The following SMAP2 variants were observed in gnomAD, a reference collection of about 807,000 sequenced individuals.
SMAP2 encodes stromal membrane-associated protein 2.
In SMAP2, 25 loss-of-function variants were observed where a neutral mutation model predicts 56.4. The observed-to-expected ratio is 0.44, with a 90% CI of 0.32 to 0.62. The LOEUF (loss-of-function observed/expected upper bound fraction) is 0.62, where lower values mean the gene tolerates loss of function less well. Ranked by LOEUF, SMAP2 falls within the 20% of genes least tolerant of loss-of-function variation. The probability of loss-of-function intolerance (pLI) is 0.04; values close to 1 mark genes in which losing one functional copy is unlikely to be tolerated. For missense variants in SMAP2, 388 were observed against 545.6 expected (o/e 0.71, Z 2.88); for synonymous variants, 157 against 181.7 (o/e 0.86, Z 1.09).
intron 9 of SMAP2, among the ~76,000 whole-genome samples, chr1:40,419,015 G>A (rs370449336): frequency 2.0e-5 from 3 of 152,246 alleles, no homozygotes; most frequent in East Asian, 3.9e-4. Flanking sequence ...TAAAACAAAG[G>A]TGGTGACAAG....
At chr1:40,407,055 A>G (rs1337345646) in intron 2 of SMAP2, among the ~76,000 whole-genome samples, 186 bp downstream of exon 2, 1 of 152,218 alleles carries the variant, frequency 6.6e-6, no homozygotes, top group Non-Finnish European at 1.5e-5. Flanking sequence ...AAGTTATTCT[A>G]CCTATATTTT....
chr1:40,348,414 G>A (rs2124152869), intron 1 of SMAP2, among the ~76,000 whole-genome samples: 1 of 152,162 alleles, frequency 6.6e-6, no homozygotes, highest in Non-Finnish European at 1.5e-5. Context: ...ATAATTTTAG[G>A]CCAGGCACAG....
chr1:40,357,312 A>T (rs2124169700), intron 1 of SMAP2, among the ~76,000 whole-genome samples: 1 of 152,178 alleles, frequency 6.6e-6, no homozygotes, highest in South Asian at 2.1e-4. Context: ...AATATTAGCC[A>T]GGCATGGTGA....
chr1:40,402,025 T>G (rs1215921187), intron 1 of SMAP2, among the ~76,000 whole-genome samples: 1 of 152,028 alleles, frequency 6.6e-6, no homozygotes, highest in Admixed American at 6.5e-5. Context: ...ACCTTGTTCT[T>G]GTGTTGTGCC....
At chr1:40,384,674 T>C (rs1644636288) in intron 1 of SMAP2, among the ~76,000 whole-genome samples, 2 of 151,966 alleles carry the variant, frequency 1.3e-5, no homozygotes, top group Non-Finnish European at 1.5e-5. Flanking sequence ...ACTCTCGTTG[T>C]TTGAGTGAAG....
chr1:40,403,218 C>T (rs1644852748), intron 1 of SMAP2, among the ~76,000 whole-genome samples: 2 of 152,128 alleles, frequency 1.3e-5, no homozygotes, highest in African/African-American at 4.8e-5. Context: ...AAAAAAGAAG[C>T]ACTCTGGCTG....
chr1:40,374,065 G>T lies in SMAP2; in HGVS notation c.-56G>T. Reference sequence around the variant, plus strand: ...AGTCCTCAACCCCGGACTGAGGCAGGGGTCTCTGGGGGCGAGGAGGGCGCG... The same window carrying T: ...AGTCCTCAACCCCGGACTGAGGCAGTGGTCTCTGGGGGCGAGGAGGGCGCG... On this transcript the variant is annotated 5_prime_UTR_variant, in exon 1 of 10. Transcript: ENST00000372718. The surrounding 1 kb of genome is among the most constrained non-coding windows in gnomAD (Gnocchi z 5.9). The T allele has an allele frequency of 7.2e-7, 1 of 1,388,920 alleles. No homozygotes were observed. The highest frequency in any genetic ancestry group is 1.0e-6 in the Non-Finnish European group (1 of 990,890). 86.0% of individuals were successfully genotyped at this position (1,388,920 alleles called of 1,614,324 possible).
chr1:40,416,247 A>C lies in SMAP2; in HGVS notation c.753A>C (p.Pro251=), dbSNP rs773758958. The C allele has an allele frequency of 6.2e-7, 1 of 1,614,096 alleles. No homozygotes were observed. The highest frequency in any genetic ancestry group is 1.1e-5 in the South Asian group (1 of 91,080). The part of the protein sequence containing the change: ...VPENLNLFPE[P]GSKSEEIGKK... ...AAAATCTGAACCTGTTTCCGGAGCC[A>C]GGGAGCAAATCAGAAGAAATAGGCA... Residue 251 remains proline (P), a synonymous_variant, in exon 8 of 10, where the codon CCA becomes CCC. Transcript: ENST00000372718.
chr1:40,386,340 C>T lies in SMAP2; in HGVS notation c.103+12117C>T, dbSNP rs74068899. The stretch of plus-strand genomic sequence containing the variant: ...TCTCTGAAAGTAGGCATGAAGAGTT[C>T]GGTTAGAGGAACCGTTACAGATGGA... On this transcript the variant is annotated intron_variant, in intron 1 of 9. Transcript: ENST00000372718. The surrounding 1 kb of genome is among the most constrained non-coding windows in gnomAD (Gnocchi z 4.1). Among the ~76,000 whole-genome samples the T allele has an allele frequency of 3.1e-3, 467 of 152,196 alleles. No homozygotes were observed. Among genetic ancestry groups the T allele is most frequent in the African/African-American group, 6.2e-3 (257 of 41,510 alleles).
rs932574828 is a variant in SMAP2, at chr1:40,413,174, G to A, written c.489+72G>A. The A allele has an allele frequency of 3.3e-5, 39 of 1,170,724 alleles. 1 individual carries two copies. The highest frequency in any genetic ancestry group is 1.6e-4 in the Admixed American group (9 of 57,948). The allele number at this position is 1,170,724 out of a possible 1,614,324, so 72.5% of individuals were successfully genotyped here. A position where few individuals can be genotyped will look rare whatever the true frequency, so the allele number is the denominator to read the frequency against. On this transcript the variant is annotated intron_variant, in intron 5 of 9. Transcript: ENST00000372718. Reference sequence around the variant, plus strand: ...TATATTTGTGAAAGGGAAAGTAGGAGGTCTCGTGGTGAGTACCATTGCACC... The same window carrying A: ...TATATTTGTGAAAGGGAAAGTAGGAAGTCTCGTGGTGAGTACCATTGCACC...
At chr1:40,413,293 G>GTT (rs1644955696) in intron 5 of SMAP2, among the ~76,000 whole-genome samples, 191 bp downstream of exon 5, 1 of 152,182 alleles carries the variant, frequency 6.6e-6, no homozygotes, top group Non-Finnish European at 1.5e-5. Context: ...AATCTGCTCT[G>GTT]TAAGGGCTTC....
At chr1:40,401,195 G>A (rs1278701931) in intron 1 of SMAP2, among the ~76,000 whole-genome samples, 2 of 152,246 alleles carry the variant, frequency 1.3e-5, no homozygotes, top group Non-Finnish European at 2.9e-5. Flanking sequence ...CTCGGGAGGC[G>A]GAACTTGCAG....
intron 1 of SMAP2, among the ~76,000 whole-genome samples, chr1:40,402,300 C>T (rs1057099570): frequency 2.1e-4 from 32 of 152,154 alleles, no homozygotes; most frequent in East Asian, 1.7e-3. Flanking sequence ...ATGCTATATC[C>T]GTCACCTTAG....
chr1:40,371,146 C>T (rs1320377401), upstream of SMAP2, among the ~76,000 whole-genome samples: 1 of 151,992 alleles, frequency 6.6e-6, no homozygotes, highest in East Asian at 1.9e-4. Context: ...GCACTCCAGC[C>T]TGGCGACAGA....
At position 40,373,921 on chromosome 1, in the gene SMAP2, G is replaced by T; in HGVS notation, c.-200G>T. 1.9e-6 allele frequency: 1 copy of T among 533,106 alleles called. No individual in the cohort carries two copies. Among genetic ancestry groups the T allele is most frequent in the Non-Finnish European group, 3.4e-6 (1 of 297,764 alleles). The allele number at this position is 533,106 out of a possible 1,614,324, so 33.0% of individuals were successfully genotyped here. On this transcript the variant is annotated 5_prime_UTR_variant, in exon 1 of 10. Coordinates refer to ENST00000372718, the MANE Select transcript of SMAP2 (RefSeq NM_022733.3). ...CCTGTCCCTAAGCCCGCCAAGGGGCGCCGCGCCGAGGGGCTGCGGAGTGGG... is the reference window on the plus strand; with the variant it reads ...CCTGTCCCTAAGCCCGCCAAGGGGCTCCGCGCCGAGGGGCTGCGGAGTGGG...
intron 1 of SMAP2, chr1:40,396,803 C>A: frequency 1.0e-6 from 1 of 982,916 alleles, no homozygotes; most frequent in Non-Finnish European, 1.2e-6. Context: ...CAGCCCTACA[C>A]AATTTTTCCA....
intron 1 of SMAP2, among the ~76,000 whole-genome samples, chr1:40,404,769 G>C (rs1412109377): frequency 1.3e-5 from 2 of 152,078 alleles, no homozygotes; most frequent in African/African-American, 2.4e-5. Flanking sequence ...TATGAAAACT[G>C]TAACCTAAAA....
At chr1:40,394,971 A>G (rs1644755926) in intron 1 of SMAP2, among the ~76,000 whole-genome samples, 1 of 152,140 alleles carries the variant, frequency 6.6e-6, no homozygotes, top group African/African-American at 2.4e-5. Flanking sequence ...AGTCAGGAAC[A>G]TGACAAGTGG....
intron 1 of SMAP2, among the ~76,000 whole-genome samples, chr1:40,378,987 T>C (rs1306394918): frequency 2.6e-5 from 4 of 151,606 alleles, no homozygotes; most frequent in South Asian, 2.1e-4. Flanking sequence ...TTTTCTTTTT[T>C]TTTTTTTTTG....
Sources: allele counts gnomAD v4.1 joint callset (sites outside exome capture counted in the v4.1 genomes callset), GRCh38; gene constraint gnomAD v4.1.1; non-coding constraint Gnocchi (gnomAD v3.1); transcripts MANE v1.5; gene names NCBI Gene and HGNC (gene_info 2026-07-23, HGNC 2026-07-21).